The following NFATC3 variants were observed in gnomAD, a reference collection of about 807,000 sequenced individuals.
NFATC3 encodes nuclear factor of activated T-cells, cytoplasmic 3.
NFATC3 carries 46 observed loss-of-function variants against 98.6 expected under a neutral mutation model. The ratio of observed to expected loss-of-function variants is 0.47; its 90% CI spans 0.37 to 0.60. NFATC3 has a LOEUF of 0.60. Among genes scored for constraint, NFATC3 ranks in the 20% least tolerant of loss-of-function variants. The pLI is 0.00. For missense variants in NFATC3, 1,256 were observed against 1,295.5 expected, an observed-to-expected ratio of 0.97 and a Z score of 0.47; for synonymous variants, 512 against 472.2, an observed-to-expected ratio of 1.08 and a Z score of -1.09.
In NFATC3 at chr16:68,123,033, A is replaced by G; in HGVS notation, c.1150A>G (p.Lys384Glu). The G allele has an allele frequency of 8.1e-6, 13 of 1,613,580 alleles. No homozygotes were observed. The highest frequency in any genetic ancestry group is 1.1e-5 in the Non-Finnish European group (13 of 1,180,040). The change falls in exon 2 of 10, where the codon AAG becomes GAG. Residue 384 changes from lysine (K) to glutamate (E), a missense_variant. Around this residue, in one of 3 missense-constraint regions of NFATC3, gnomAD observed 464 missense variants for 465.7 expected, o/e 1.00. Transcript: ENST00000346183. ...TGGCCTTGGATCTCAGTATCCTTTA[A>G]AGAAAGATTCATGTGGTGATCAGTT... is the stretch of plus-strand genomic sequence containing the variant. The part of the protein sequence containing the change: ...DDGLGSQYPL[K>E]KDSCGDQFLS...
At position 68,191,468 on chromosome 16, in the gene NFATC3, C is replaced by T. The variant is rs763544194; in HGVS notation, c.2799C>T (p.Pro933=). The change falls in exon 9 of 10, where the codon CCC becomes CCT. Residue 933 remains proline (P), a synonymous_variant. Transcript: ENST00000346183. ...ATTASPAASH[P]LASSPLSGPP... Reference sequence around the variant, plus strand: ...CAGCTTCCCCAGCAGCTTCTCATCCCTTGGCTAGTTCACCGCTTTCTGGGC... The same window carrying T: ...CAGCTTCCCCAGCAGCTTCTCATCCTTTGGCTAGTTCACCGCTTTCTGGGC... 3.1e-6 allele frequency: 5 copies of T among 1,614,046 alleles called. No individual in the cohort carries two copies. The highest frequency in any genetic ancestry group is 2.7e-5 in the African/African-American group (2 of 74,932).
At chr16:68,145,190 C>G (rs1037162366) in intron 3 of NFATC3, among the ~76,000 whole-genome samples, 2 of 150,710 alleles carry the variant, frequency 1.3e-5, no homozygotes, top group Non-Finnish European at 2.9e-5. Context: ...ATCACCCAGG[C>G]TGGAGTGCAG....
intron 9 of NFATC3, chr16:68,221,397 C>A: frequency 6.7e-7 from 1 of 1,484,054 alleles, no homozygotes; most frequent in Admixed American, 2.3e-5. Flanking sequence ...TCTGTGAAAG[C>A]ACTTTGTTGC....
At chr16:68,184,806 A>AAAACAAAC (rs200628366) in intron 8 of NFATC3, among the ~76,000 whole-genome samples, 15 of 150,872 alleles carry the variant, frequency 9.9e-5, no homozygotes, top group East Asian at 9.8e-4. Flanking sequence ...TCTGTCTCAA[A>AAAACAAAC]AAACAAACAA....
intron 9 of NFATC3, among the ~76,000 whole-genome samples, chr16:68,196,055 A>C (rs2040656180): frequency 6.6e-6 from 1 of 151,944 alleles, no homozygotes; most frequent in African/African-American, 2.4e-5. Flanking sequence ...TGAAAACCTT[A>C]GATTATTGGC....
At chr16:68,164,158 G>A (rs191442497) in intron 4 of NFATC3, among the ~76,000 whole-genome samples, 5 of 152,216 alleles carry the variant, frequency 3.3e-5, no homozygotes, top group South Asian at 2.1e-4. Flanking sequence ...CCAGCACCTC[G>A]GGAGGCCGAG....
intron 1 of NFATC3, among the ~76,000 whole-genome samples, chr16:68,099,434 C>G (rs900820675): frequency 9.4e-5 from 13 of 137,814 alleles, no homozygotes; most frequent in Non-Finnish European, 2.1e-4. Context: ...GACCCCACCT[C>G]AAAAAAAAAA....
intron 8 of NFATC3, among the ~76,000 whole-genome samples, chr16:68,184,761 G>A (rs1430018567): frequency 4.0e-5 from 6 of 151,640 alleles, no homozygotes; most frequent in Non-Finnish European, 7.4e-5. Flanking sequence ...CCAAGATCGC[G>A]CCACTGCACT....
At chr16:68,167,854 C>T (rs1474367969) in intron 5 of NFATC3, among the ~76,000 whole-genome samples, 1 of 22,174 alleles carries the variant, frequency 4.5e-5, no homozygotes, top group African/African-American at 1.3e-4. Context: ...TTTTTTGAGA[C>T]GGAGATTTAC....
intron 3 of NFATC3, chr16:68,138,416 A>G: frequency 1.1e-6 from 1 of 874,480 alleles, no homozygotes; most frequent in Non-Finnish European, 1.5e-6. Flanking sequence ...TGGTAGCCTA[A>G]CTACTGTAAC....
intron 3 of NFATC3, among the ~76,000 whole-genome samples, chr16:68,148,443 C>T (rs1438316310): frequency 2.0e-5 from 3 of 151,978 alleles, no homozygotes; most frequent in Non-Finnish European, 4.4e-5. Context: ...AATGAGAATA[C>T]TGATAGATTT....
intron 1 of NFATC3, among the ~76,000 whole-genome samples, chr16:68,090,084 C>G (rs1261034333): frequency 1.3e-5 from 2 of 152,144 alleles, no homozygotes; most frequent in South Asian, 2.1e-4. Flanking sequence ...AGAATTTAAT[C>G]TACAATGTTT....
At chr16:68,172,104 A>G (rs1476298703) in intron 5 of NFATC3, among the ~76,000 whole-genome samples, 1 of 152,094 alleles carries the variant, frequency 6.6e-6, no homozygotes, top group Non-Finnish European at 1.5e-5. Context: ...AAGTGCTGGG[A>G]TTACAGGCGT....
chr16:68,192,353 A>G lies in NFATC3; in HGVS notation c.3106+578A>G, dbSNP rs962085479. ...TATATAGAGAGAGAGAGAGAGAGAG[A>G]GAACTTTGAGGGTAGATATGAAAAT... On this transcript the variant is annotated intron_variant, in intron 9 of 9. Coordinates refer to ENST00000346183, the MANE Select transcript of NFATC3 (RefSeq NM_173165.3). The G allele has an allele frequency of 2.0e-5, 3 of 147,310 alleles. No homozygotes were observed. In the Admixed American group the frequency reaches 2.1e-4, roughly 10 times the overall value. 9.1% of individuals were successfully genotyped at this position (147,310 alleles called of 1,614,324 possible).
At chr16:68,207,605 A>T (rs754816409) in intron 9 of NFATC3, among the ~76,000 whole-genome samples, 7 of 152,172 alleles carry the variant, frequency 4.6e-5, no homozygotes, top group Non-Finnish European at 8.8e-5. Context: ...CTGGGATTAC[A>T]GGCATGTGCC....
chr16:68,221,721 T>C, intron 9 of NFATC3: 3 of 521,798 alleles, frequency 5.7e-6, no homozygotes, highest in Non-Finnish European at 7.4e-6. Flanking sequence ...GACTTTAACA[T>C]AGTCTTAAAA....
chr16:68,196,039 C>T (rs572914644), intron 9 of NFATC3, among the ~76,000 whole-genome samples: 2 of 151,898 alleles, frequency 1.3e-5, no homozygotes, highest in African/African-American at 4.8e-5. Context: ...TGTTAAAACG[C>T]ACTTCTGAAA....
intron 9 of NFATC3, among the ~76,000 whole-genome samples, chr16:68,203,713 T>A (rs1412656450): frequency 6.6e-6 from 1 of 152,160 alleles, no homozygotes; most frequent in Non-Finnish European, 1.5e-5. Flanking sequence ...TAAAGCAGCA[T>A]ATCAGAAGTC....
At chr16:68,165,182 A>G (rs2039128405) in intron 4 of NFATC3, among the ~76,000 whole-genome samples, 1 of 152,122 alleles carries the variant, frequency 6.6e-6, no homozygotes, top group East Asian at 1.9e-4. Flanking sequence ...ATAACTTGAT[A>G]ATACTGCTTT....
Sources: allele counts gnomAD v4.1 joint callset (sites outside exome capture counted in the v4.1 genomes callset), GRCh38; gene constraint gnomAD v4.1.1; regional missense constraint gnomAD v4.1.1; transcripts MANE v1.5; gene names NCBI Gene and HGNC (gene_info 2026-07-23, HGNC 2026-07-21).